EEIG2: variants seen among roughly 807,000 people sequenced by gnomAD.
The protein encoded by EEIG2 is EEIG family member 2, also known as family with sequence similarity 102 member B.
chr1:108,614,173 C>T, the EEIG2 span, among the ~76,000 whole-genome samples: 1 of 135,396 alleles, frequency 7.4e-6, no homozygotes, highest in East Asian at 2.2e-4. Flanking sequence ...AGTTCAAGAC[C>T]AGTCTGGGCA....
the EEIG2 span, chr1:108,600,529 ATAGT>A: frequency 4.4e-6 from 7 of 1,606,038 alleles, no homozygotes; most frequent in Non-Finnish European, 5.1e-6. Context: ...GTCATCAATA[ATAGT>A]TAATTAATTG....
chr1:108,623,482 G>A, the EEIG2 span, among the ~76,000 whole-genome samples: 1 of 152,052 alleles, frequency 6.6e-6, no homozygotes, highest in Non-Finnish European at 1.5e-5. Flanking sequence ...GTGACAAAGC[G>A]AGACCCTGTC....
At chr1:108,582,494 T>G in the EEIG2 span, among the ~76,000 whole-genome samples, 52 of 152,294 alleles carry the variant, frequency 3.4e-4, no homozygotes, top group East Asian at 9.8e-3. Flanking sequence ...TTAAATTCAG[T>G]TTTTCAGGAC....
chr1:108,621,958 A>T, the EEIG2 span, among the ~76,000 whole-genome samples: 1 of 152,146 alleles, frequency 6.6e-6, no homozygotes, highest in Non-Finnish European at 1.5e-5. Context: ...GGAATTCAAG[A>T]CCAGCCTGGC....
the EEIG2 span, chr1:108,625,973 C>T: frequency 2.0e-5 from 3 of 152,276 alleles, no homozygotes; most frequent in African/African-American, 7.2e-5. Flanking sequence ...TTGCTGCTAT[C>T]CCCTGATACA....
At chr1:108,629,134 CT>C in the EEIG2 span, among the ~76,000 whole-genome samples, 2 of 152,214 alleles carry the variant, frequency 1.3e-5, no homozygotes, top group Admixed American at 1.3e-4. Context: ...CTTTAAGCCA[CT>C]GTTGTAATTT....
chr1:108,604,013 A>G, the EEIG2 span, among the ~76,000 whole-genome samples: 3 of 152,232 alleles, frequency 2.0e-5, no homozygotes, highest in Non-Finnish European at 2.9e-5. Context: ...GTCTAATTGT[A>G]TAAGCCCTAG....
At chr1:108,627,987 CT>C in the EEIG2 span, 1 of 573,016 alleles carries the variant, frequency 1.7e-6, no homozygotes, top group Non-Finnish European at 3.2e-6. Flanking sequence ...TATTTAAATA[CT>C]TTGTATATCT....
the EEIG2 span, among the ~76,000 whole-genome samples, chr1:108,611,903 C>T: frequency 1.3e-5 from 2 of 149,656 alleles, no homozygotes; most frequent in East Asian, 3.9e-4. Flanking sequence ...AATATATATT[C>T]TTTAATGTAT....
chr1:108,571,161 G>C, the EEIG2 span, among the ~76,000 whole-genome samples: 1 of 152,142 alleles, frequency 6.6e-6, no homozygotes, highest in East Asian at 1.9e-4. Flanking sequence ...CAACCTGGAG[G>C]GGAAGAGTGT....
At chr1:108,602,561 A>T in the EEIG2 span, among the ~76,000 whole-genome samples, 1 of 152,190 alleles carries the variant, frequency 6.6e-6, no homozygotes, top group East Asian at 1.9e-4. Context: ...TTAGGACCTC[A>T]TTTTAACTTG....
the EEIG2 span, among the ~76,000 whole-genome samples, chr1:108,578,318 C>G: frequency 1.5e-5 from 2 of 129,472 alleles, no homozygotes. Flanking sequence ...TTGCCCTGGC[C>G]AGAACTTTCA....
chr1:108,582,349 C>A, the EEIG2 span, among the ~76,000 whole-genome samples: 6 of 152,054 alleles, frequency 3.9e-5, no homozygotes, highest in Admixed American at 6.6e-5. Flanking sequence ...TTATATTATT[C>A]TTCACTGCAA....
chr1:108,614,887 A>G, the EEIG2 span, among the ~76,000 whole-genome samples: 1 of 152,212 alleles, frequency 6.6e-6, no homozygotes, highest in South Asian at 2.1e-4. Flanking sequence ...TGTATGTGCC[A>G]TCTCCATCTC....
the EEIG2 span, among the ~76,000 whole-genome samples, chr1:108,582,041 A>T: frequency 6.6e-6 from 1 of 152,176 alleles, no homozygotes; most frequent in Non-Finnish European, 1.5e-5. Flanking sequence ...TCAGTCAGCA[A>T]CCATCAACAT....
the EEIG2 span, chr1:108,600,504 TG>T: frequency 6.4e-7 from 1 of 1,563,936 alleles, no homozygotes; most frequent in African/African-American, 1.4e-5. Flanking sequence ...AAAGTATGGG[TG>T]TGCTTTTTAA....
chr1:108,615,653 G>A, the EEIG2 span, among the ~76,000 whole-genome samples: 2 of 151,986 alleles, frequency 1.3e-5, no homozygotes, highest in South Asian at 4.2e-4. Context: ...GGCGTAGTGT[G>A]CACCTATAGT....
the EEIG2 span, among the ~76,000 whole-genome samples, chr1:108,595,318 G>GAAGATGTAATA: frequency 6.8e-6 from 1 of 146,364 alleles, no homozygotes; most frequent in Admixed American, 6.8e-5. Flanking sequence ...AGGGAGGGAG[G>GAAGATGTAATA]GAAAGAATGA....
chr1:108,584,328 A>G, the EEIG2 span, among the ~76,000 whole-genome samples: 1 of 151,842 alleles, frequency 6.6e-6, no homozygotes, highest in African/African-American at 2.4e-5. Flanking sequence ...CTTTCTTAAA[A>G]AATATTTTTT....
Sources: allele counts gnomAD v4.1 joint callset (sites outside exome capture counted in the v4.1 genomes callset), GRCh38; gene constraint gnomAD v4.1.1; transcripts MANE v1.5; gene names NCBI Gene and HGNC (gene_info 2026-07-23, HGNC 2026-07-21).